The following RORA variants were observed in gnomAD, a reference collection of about 807,000 sequenced individuals.
RORA encodes the protein nuclear receptor ROR-alpha.
RORA carries 7 observed loss-of-function variants against 69.5 expected under a neutral mutation model. The ratio of observed to expected loss-of-function variants is 0.10; its 90% CI spans 0.06 to 0.19. RORA has a LOEUF of 0.19. Ranked by LOEUF, RORA falls within the 10% of genes least tolerant of loss-of-function variation. RORA has a pLI of 1.00. For synonymous variants in RORA, 261 were observed against 240.8 expected (o/e 1.08, Z -0.78); for missense variants, 457 against 663.0 (o/e 0.69, Z 3.41).
At chr15:60,980,507 C>T (rs1031482667) in intron 1 of RORA, among the ~76,000 whole-genome samples, 4 of 152,040 alleles carry the variant, frequency 2.6e-5, no homozygotes, top group Non-Finnish European at 5.9e-5. Context: ...GTCATCTGGT[C>T]CTGAGCTTTT....
rs117348156 is a variant in RORA, at chr15:60,565,598, G to A, written c.197-33747C>T. 2.7e-3 allele frequency among the ~76,000 whole-genome samples: 413 copies of A among 152,282 alleles called. 14 individuals carry two copies. The East Asian group carries it at 0.072, about 26-fold the overall frequency. ...CATGTTAAAATTAGTGATAAAGTTA[G>A]TTTTTAATGGAATAGGCAGCAGGCA... On this transcript the variant is annotated intron_variant, in intron 2 of 10. Coordinates refer to ENST00000335670, the MANE Select transcript of RORA (RefSeq NM_134261.3).
chr15:60,499,925 C>T lies in RORA; in HGVS notation c.1374G>A (p.Gln458=). Reference sequence around the variant, plus strand: ...GTATTCCATCTTCTCGGTGATTCTTCTGTAGGACGTGTTGAAGAGCTAGCT... The same window carrying T: ...GTATTCCATCTTCTCGGTGATTCTTTTGTAGGACGTGTTGAAGAGCTAGCT... ...KIQLALQHVL[Q]KNHREDGILT... Residue 458 remains glutamine (Q), a synonymous_variant, in exon 10 of 11, where the codon CAG becomes CAA. Transcript: ENST00000335670. 1.2e-6 allele frequency: 2 copies of T among 1,611,658 alleles called. No individual in the cohort carries two copies. The highest frequency in any genetic ancestry group is 1.7e-6 in the Non-Finnish European group (2 of 1,178,828).
intron 1 of RORA, among the ~76,000 whole-genome samples, chr15:61,179,672 T>C (rs985344376): frequency 6.6e-6 from 1 of 152,166 alleles, no homozygotes; most frequent in Non-Finnish European, 1.5e-5. Context: ...ACGCCTGACA[T>C]ATAGTAAATG....
chr15:60,839,309 AGAT>A (rs1157405040), intron 1 of RORA, among the ~76,000 whole-genome samples: 2 of 152,258 alleles, frequency 1.3e-5, no homozygotes, highest in Admixed American at 6.5e-5. Context: ...ATCACATTAA[AGAT>A]GATGATAATA....
At chr15:60,506,974 G>A (rs940752808) in intron 5 of RORA, among the ~76,000 whole-genome samples, 3 of 151,650 alleles carry the variant, frequency 2.0e-5, no homozygotes, top group East Asian at 1.9e-4. Context: ...GCAATAGAGC[G>A]AGACTCCCTC....
At chr15:60,841,070 CA>C in intron 1 of RORA, 1 of 984,614 alleles carries the variant, frequency 1.0e-6, no homozygotes, top group Non-Finnish European at 1.2e-6. Context: ...GCGTACTTAC[CA>C]AATGTTGACT....
chr15:60,897,980 A>G (rs1891274935), intron 1 of RORA, among the ~76,000 whole-genome samples: 1 of 152,248 alleles, frequency 6.6e-6, no homozygotes, highest in Admixed American at 6.5e-5. Flanking sequence ...TTCTAAGTCT[A>G]TCCAGGAGTA....
At chr15:60,797,864 C>A (rs974945620) in intron 1 of RORA, among the ~76,000 whole-genome samples, 1 of 152,184 alleles carries the variant, frequency 6.6e-6, no homozygotes, top group Admixed American at 6.5e-5. Flanking sequence ...GGGACTTGCT[C>A]ACACAAACTG....
intron 1 of RORA, among the ~76,000 whole-genome samples, chr15:60,968,099 G>C (rs913566305): frequency 2.1e-4 from 32 of 152,156 alleles, no homozygotes; most frequent in African/African-American, 7.0e-4. Context: ...ATATGTATTG[G>C]TGCTTACGCT....
chr15:61,087,928 G>C (rs1283551336), intron 1 of RORA, among the ~76,000 whole-genome samples: 1 of 152,246 alleles, frequency 6.6e-6, no homozygotes, highest in African/African-American at 2.4e-5. Context: ...GATGTCTTCT[G>C]TTAGCAAGTC....
chr15:60,508,497 T>C (rs990436218), intron 5 of RORA, among the ~76,000 whole-genome samples: 1 of 152,346 alleles, frequency 6.6e-6, no homozygotes, highest in South Asian at 2.1e-4. Flanking sequence ...AATTTGTGTC[T>C]ATCCTGAATA....
chr15:61,100,237 G>A (rs1280129278), intron 1 of RORA, among the ~76,000 whole-genome samples: 1 of 150,414 alleles, frequency 6.6e-6, no homozygotes, highest in African/African-American at 2.4e-5. Context: ...TCCTGCCTCA[G>A]CCTCCTGGGT....
chr15:60,578,939 A>G (rs1259866272), intron 2 of RORA, among the ~76,000 whole-genome samples: 1 of 149,946 alleles, frequency 6.7e-6, no homozygotes, highest in Admixed American at 6.6e-5. Context: ...AATTTTTTGT[A>G]TTTTCAGTAG....
At chr15:60,778,223 TTTTGTTTGTTTG>T (rs138545305) in intron 1 of RORA, among the ~76,000 whole-genome samples, 216 of 116,744 alleles carry the variant, frequency 1.9e-3, no homozygotes, top group African/African-American at 8.5e-3. Flanking sequence ...AGGTTTTTGT[TTTTGTTTGTTTG>T]TTTGTTTGTT....
chr15:60,992,972 C>T (rs762941341), intron 1 of RORA, among the ~76,000 whole-genome samples: 2 of 152,108 alleles, frequency 1.3e-5, no homozygotes, highest in Non-Finnish European at 2.9e-5. Flanking sequence ...CACCACCCAC[C>T]CCCTCTCCCA....
At chr15:60,978,936 G>T (rs1347239912) in intron 1 of RORA, among the ~76,000 whole-genome samples, 2 of 147,388 alleles carry the variant, frequency 1.4e-5, no homozygotes, top group African/African-American at 5.0e-5. Context: ...TTGAAATCAG[G>T]AAGTGTGAGT....
chr15:60,646,873 T>C (rs2070056028), intron 2 of RORA, among the ~76,000 whole-genome samples: 1 of 152,212 alleles, frequency 6.6e-6, no homozygotes, highest in African/African-American at 2.4e-5. Flanking sequence ...CCAGTGATAA[T>C]GACCGGCTTC....
chr15:60,576,094 T>G (rs1173367417), intron 2 of RORA, among the ~76,000 whole-genome samples: 1 of 152,230 alleles, frequency 6.6e-6, no homozygotes, highest in South Asian at 2.1e-4. Context: ...CTCATTCTCC[T>G]CAGCCCTCCT....
At chr15:60,724,264 C>A (rs961316023) in intron 1 of RORA, among the ~76,000 whole-genome samples, 4 of 152,170 alleles carry the variant, frequency 2.6e-5, no homozygotes, top group African/African-American at 9.7e-5. Context: ...TCACAGGTAA[C>A]TTTCATTGAG....
Sources: allele counts gnomAD v4.1 joint callset (sites outside exome capture counted in the v4.1 genomes callset), GRCh38; gene constraint gnomAD v4.1.1; transcripts MANE v1.5; gene names NCBI Gene and HGNC (gene_info 2026-07-23, HGNC 2026-07-21).